The following CRIM1 variants were observed in gnomAD, a reference collection of about 807,000 sequenced individuals.
The protein encoded by CRIM1 is cysteine rich transmembrane BMP regulator 1.
CRIM1 carries 32 observed loss-of-function variants against 116.4 expected under a neutral mutation model. That is an observed-to-expected ratio of 0.27 (90% CI 0.21 to 0.37). CRIM1 has a LOEUF of 0.37. CRIM1 is among the 10% of genes least tolerant of loss of function. The pLI, the probability that CRIM1 is intolerant of heterozygous loss-of-function variation, is 1.00. For synonymous variants in CRIM1, 590 were observed against 509.2 expected (o/e 1.16, Z -2.13); for missense variants, 1,331 against 1,354.8 (o/e 0.98, Z 0.28).
Position 36,356,709 on chromosome 2 carries a change from C to G in CRIM1, c.331+86C>G. The G allele has an allele frequency of 7.4e-7, 1 of 1,348,268 alleles. No homozygotes were observed. The allele number at this position is 1,348,268 out of a possible 1,614,324, so 83.5% of individuals were successfully genotyped here. A position where few individuals can be genotyped will look rare whatever the true frequency, so the allele number is the denominator to read the frequency against. On this transcript the variant is annotated intron_variant, in intron 1 of 16. Transcript: ENST00000280527. This position sits in a 1 kb window ranked among gnomAD's most constrained non-coding sequence, Gnocchi z 4.3. The stretch of plus-strand genomic sequence containing the variant: ...TGTGCCGAACAAAGTTTGGGCGAGA[C>G]TTTCTGGAGGAAAGAGGGCTCTGCG...
At chr2:36,376,390 A>G (rs1254845312) in intron 1 of CRIM1, among the ~76,000 whole-genome samples, 1 of 152,214 alleles carries the variant, frequency 6.6e-6, no homozygotes, top group Non-Finnish European at 1.5e-5. Context: ...GAGAATGTTT[A>G]AACAGTAGGC....
chr2:36,356,351 T>C lies in CRIM1; in HGVS notation c.59T>C (p.Leu20Pro), dbSNP rs1207609162. 2 of 1,591,866 alleles carry C rather than the reference T, an allele frequency of 1.3e-6. No individual in the cohort carries two copies. Among genetic ancestry groups the C allele is most frequent in the South Asian group, 1.1e-5 (1 of 88,500 alleles). ...LAGCGHLLVS[L>P]LGLLLLLARS... ...GGCTGCGGGCACCTCCTGGTCTCGC[T>C]GCTGGGGCTGCTGCTGCTGCTGGCG... Residue 20 changes from leucine to proline, a missense_variant, in exon 1 of 17, where the codon CTG becomes CCG. By Grantham distance (98) the Leu-to-Pro change is moderately conservative (BLOSUM62 -3). Coordinates refer to ENST00000280527, the MANE Select transcript of CRIM1 (RefSeq NM_016441.3). The surrounding 1 kb of genome is among the most constrained non-coding windows in gnomAD (Gnocchi z 4.3).
intron 13 of CRIM1, among the ~76,000 whole-genome samples, chr2:36,527,504 T>A (rs1405879291): frequency 1.3e-5 from 2 of 152,160 alleles, no homozygotes; most frequent in Non-Finnish European, 2.9e-5. Context: ...ATACTGTCAC[T>A]GTATAGTGAT....
At chr2:36,499,660 A>G (rs937901400) in intron 8 of CRIM1, among the ~76,000 whole-genome samples, 1 of 152,076 alleles carries the variant, frequency 6.6e-6, no homozygotes, top group Non-Finnish European at 1.5e-5. Flanking sequence ...CAGGTCATCC[A>G]GTGACAAGGA....
intron 13 of CRIM1, among the ~76,000 whole-genome samples, chr2:36,531,287 G>A (rs949122151): frequency 6.6e-6 from 1 of 152,204 alleles, no homozygotes; most frequent in African/African-American, 2.4e-5. Flanking sequence ...TGCCTCCTAG[G>A]CAGAAATCAA....
chr2:36,357,700 C>T (rs1668946098), intron 1 of CRIM1, among the ~76,000 whole-genome samples: 2 of 152,224 alleles, frequency 1.3e-5, no homozygotes, highest in South Asian at 2.1e-4. Context: ...GATGCTGTTC[C>T]GGGGGCATCC....
chr2:36,445,446 A>G (rs1011531328), intron 4 of CRIM1, among the ~76,000 whole-genome samples: 4 of 152,148 alleles, frequency 2.6e-5, no homozygotes, highest in South Asian at 2.1e-4. Flanking sequence ...GCTTCAACCA[A>G]CAGGTCCCAC....
chr2:36,447,305 T>G (rs1327190998), intron 4 of CRIM1, among the ~76,000 whole-genome samples: 1 of 152,230 alleles, frequency 6.6e-6, no homozygotes, highest in Admixed American at 6.5e-5. Flanking sequence ...TGTTTTGTTG[T>G]TTTTAAGTCC....
At position 36,541,749 on chromosome 2, in the gene CRIM1, G is replaced by T. The variant is rs530459975; in HGVS notation, c.2624-2627G>T. Among the ~76,000 whole-genome samples, 23 of 152,264 alleles carry T rather than the reference G, an allele frequency of 1.5e-4. 1 individual carries two copies. In the South Asian group the frequency reaches 4.1e-3, roughly 27 times the overall value. On this transcript the variant is annotated intron_variant, in intron 14 of 16. Transcript: ENST00000280527. Reference sequence around the variant, plus strand: ...GTGTGCCCGTGATCTTCGTGGTAGGGCTGGATGTAGCTTTGTGTAAATCTC... The same window carrying T: ...GTGTGCCCGTGATCTTCGTGGTAGGTCTGGATGTAGCTTTGTGTAAATCTC...
intron 2 of CRIM1, among the ~76,000 whole-genome samples, chr2:36,435,291 A>C (rs1412072689): frequency 6.6e-6 from 1 of 151,960 alleles, no homozygotes; most frequent in African/African-American, 2.4e-5. Context: ...AAGTAGCTTG[A>C]ACCGCCCAAG....
At chr2:36,462,284 T>A (rs1416745649) in intron 4 of CRIM1, among the ~76,000 whole-genome samples, 1 of 152,230 alleles carries the variant, frequency 6.6e-6, no homozygotes, top group Non-Finnish European at 1.5e-5. Flanking sequence ...ACAGGTACAC[T>A]AAAAGCTCAC....
At chr2:36,518,017 T>G (rs1041273273) in intron 12 of CRIM1, among the ~76,000 whole-genome samples, 2 of 152,334 alleles carry the variant, frequency 1.3e-5, no homozygotes, top group South Asian at 4.1e-4. Flanking sequence ...TGCCACCCCC[T>G]CCAAGTTGGG....
chr2:36,356,358 G>A lies in CRIM1; in HGVS notation c.66G>A (p.Gly22=). ...GCGHLLVSLL[G]LLLLLARSGT... is the part of the protein sequence containing the mutation. ...GGCACCTCCTGGTCTCGCTGCTGGG[G>A]CTGCTGCTGCTGCTGGCGCGCTCCG... Residue 22 remains glycine, a synonymous_variant, in exon 1 of 17, where the codon GGG becomes GGA. Coordinates refer to ENST00000280527, the MANE Select transcript of CRIM1 (RefSeq NM_016441.3). This position sits in a 1 kb window ranked among gnomAD's most constrained non-coding sequence, Gnocchi z 4.3. The A allele has an allele frequency of 1.3e-6, 2 of 1,561,052 alleles. No homozygotes were observed. The highest frequency in any genetic ancestry group is 1.7e-6 in the Non-Finnish European group (2 of 1,152,732).
At chr2:36,528,236 C>T (rs1349589026) in intron 13 of CRIM1, among the ~76,000 whole-genome samples, 3 of 152,106 alleles carry the variant, frequency 2.0e-5, no homozygotes, top group Non-Finnish European at 4.4e-5. Context: ...AAGAGAAATG[C>T]CTGGATATAA....
At chr2:36,454,632 C>T (rs1001977533) in intron 4 of CRIM1, among the ~76,000 whole-genome samples, 3 of 152,154 alleles carry the variant, frequency 2.0e-5, no homozygotes, top group Non-Finnish European at 4.4e-5. Flanking sequence ...TACCCCAAGA[C>T]ATGTTTTCTT....
Position 36,373,353 on chromosome 2 carries a change from T to A in CRIM1, c.331+16730T>A, listed in dbSNP as rs1346790383. Among the ~76,000 whole-genome samples the A allele has an allele frequency of 2.6e-5, 4 of 152,262 alleles. No individual in the cohort carries two copies. The East Asian group carries it at 7.7e-4, about 29-fold the overall frequency. ...TCTTGTAACTGAAAAATAGACTTCC[T>A]GGAAGGAGAGAACCAGAGAAGTGGG... On this transcript the variant is annotated intron_variant, in intron 1 of 16. Transcript: ENST00000280527.
At chr2:36,531,396 G>C (rs1394721107) in intron 13 of CRIM1, among the ~76,000 whole-genome samples, 1 of 151,180 alleles carries the variant, frequency 6.6e-6, no homozygotes, top group African/African-American at 2.4e-5. Context: ...TTTGGTTTTT[G>C]GTTTTTTGTT....
intron 2 of CRIM1, among the ~76,000 whole-genome samples, chr2:36,439,297 C>T (rs756382103): frequency 5.3e-5 from 8 of 152,202 alleles, no homozygotes; most frequent in Non-Finnish European, 7.3e-5. Flanking sequence ...TGCCAAGTGC[C>T]TTTCCAACCT....
chr2:36,449,142 AT>A lies in CRIM1; in HGVS notation c.869+6408del, dbSNP rs571841378. 2.6e-5 allele frequency among the ~76,000 whole-genome samples: 4 copies of A among 152,236 alleles called. No homozygotes were observed. In the East Asian group the frequency reaches 7.7e-4, roughly 29 times the overall value. On this transcript the variant is annotated intron_variant, in intron 4 of 16. Transcript: ENST00000280527. Reference sequence around the variant, plus strand: ...TGTTTTCACCAAAAAATGTAATAGAATATGTTGGACACATGAAATTCTAAGT... The same window carrying A: ...TGTTTTCACCAAAAAATGTAATAGAAATGTTGGACACATGAAATTCTAAGT...
Sources: gnomAD v4.1 joint callset for allele counts (sites outside exome capture counted in the v4.1 genomes callset) on GRCh38, gnomAD v4.1.1 for gene constraint, Gnocchi (gnomAD v3.1) non-coding constraint, MANE v1.5 for transcripts, NCBI Gene and HGNC (gene_info 2026-07-23, HGNC 2026-07-21) for gene names.